Variants in TRPM3 observed in about 807,000 individuals in gnomAD.
TRPM3 encodes transient receptor potential cation channel subfamily M member 3.
Under a neutral mutation model 181.2 loss-of-function variants are expected in TRPM3, and 77 were observed. That is an observed-to-expected ratio of 0.42 (90% CI 0.35 to 0.51). The LOEUF is 0.51. Among genes scored for constraint, TRPM3 ranks in the 20% least tolerant of loss-of-function variants. TRPM3 has a pLI of 0.01. For missense variants in TRPM3, 1,759 were observed against 2,196.7 expected (o/e 0.80, Z 3.98); for synonymous variants, 745 against 796.4 (o/e 0.94, Z 1.09).
intron 5 of TRPM3, among the ~76,000 whole-genome samples, chr9:70,831,400 T>G (rs2131752593): frequency 6.6e-6 from 1 of 151,980 alleles, no homozygotes; most frequent in Non-Finnish European, 1.5e-5. Flanking sequence ...TTTTTTTTTT[T>G]TTTTTGGAAT....
chr9:71,213,579 C>G lies in TRPM3; in HGVS notation c.183+233074G>C, dbSNP rs114465428. On this transcript the variant is annotated intron_variant, in intron 1 of 24. Coordinates refer to the TRPM3 transcript ENST00000357533. ...ATGACAGAAATGGAAAACATCAGTA[C>G]TTTCACTTTATAGCTTTGGAATATC... Among the ~76,000 whole-genome samples, 315 of 152,204 alleles carry G rather than the reference C, an allele frequency of 2.1e-3. 1 individual carries two copies. Among genetic ancestry groups the G allele is most frequent in the African/African-American group, 7.1e-3 (296 of 41,534 alleles).
intron 1 of TRPM3, among the ~76,000 whole-genome samples, chr9:71,399,420 T>C (rs905916634): frequency 2.0e-5 from 3 of 152,134 alleles, no homozygotes; most frequent in Non-Finnish European, 4.4e-5. Flanking sequence ...ACATTATGTA[T>C]TCAATATAGA....
At chr9:70,916,043 G>A (rs896426557) in intron 1 of TRPM3, among the ~76,000 whole-genome samples, 6 of 152,200 alleles carry the variant, frequency 3.9e-5, no homozygotes, top group Non-Finnish European at 5.9e-5. Context: ...TGTCTAGCAG[G>A]AGACTTCTTA....
Position 70,993,786 on chromosome 9 carries a change from AAAAAAAAAAAAAAAAAAAAG to A in TRPM3, c.177+127372_177+127391del, listed in dbSNP as rs1281029074. On this transcript the variant is annotated intron_variant, in intron 1 of 25. Coordinates refer to ENST00000677713, the MANE Select transcript of TRPM3 (RefSeq NM_001366145.2). The stretch of plus-strand genomic sequence containing the variant: ...GGCGACAGAGTGAGATTCCATCTCA[AAAAAAAAAAAAAAAAAAAAG>A]AAAGAAAGAAAGAAAGAAAGCACTC... 1.2e-4 allele frequency among the ~76,000 whole-genome samples: 7 copies of A among 60,088 alleles called. No individual in the cohort carries two copies. The South Asian group carries it at 3.3e-3, about 28-fold the overall frequency. 39.4% of individuals were successfully genotyped at this position (60,088 alleles called of 152,430 possible). A position where few individuals can be genotyped will look rare whatever the true frequency, so the allele number is the denominator to read the frequency against.
chr9:70,574,280 C>A (rs1295157279), intron 22 of TRPM3, among the ~76,000 whole-genome samples: 1 of 152,118 alleles, frequency 6.6e-6, no homozygotes, highest in East Asian at 1.9e-4. Flanking sequence ...CAGCTTTATT[C>A]CCTACCATTC....
intron 1 of TRPM3, among the ~76,000 whole-genome samples, chr9:70,951,821 A>G (rs1440973046): frequency 6.6e-6 from 1 of 152,220 alleles, no homozygotes; most frequent in African/African-American, 2.4e-5. Context: ...TTAACTAACA[A>G]ACATTCAAAC....
At chr9:70,840,488 C>T (rs2094568803) in intron 5 of TRPM3, among the ~76,000 whole-genome samples, 1 of 152,094 alleles carries the variant, frequency 6.6e-6, no homozygotes, top group Non-Finnish European at 1.5e-5. Flanking sequence ...ATTTACTGAA[C>T]ATTTTTCTGC....
At chr9:70,745,505 G>T (rs534997458) in intron 8 of TRPM3, among the ~76,000 whole-genome samples, 3 of 152,226 alleles carry the variant, frequency 2.0e-5, no homozygotes, top group South Asian at 2.1e-4. Flanking sequence ...TTATTAAGAT[G>T]ATATTCAGAT....
chr9:70,742,113 C>T (rs2074243716), intron 8 of TRPM3, among the ~76,000 whole-genome samples: 1 of 151,952 alleles, frequency 6.6e-6, no homozygotes, highest in South Asian at 2.1e-4. Flanking sequence ...ATTAAGACCA[C>T]ATTTTAATGA....
At chr9:70,869,665 C>T (rs2095746041) in intron 1 of TRPM3, among the ~76,000 whole-genome samples, 1 of 152,014 alleles carries the variant, frequency 6.6e-6, no homozygotes, top group Non-Finnish European at 1.5e-5. Context: ...AATAATAAAA[C>T]TTCTCCGATC....
intron 1 of TRPM3, among the ~76,000 whole-genome samples, chr9:71,065,179 T>C (rs2061768174): frequency 6.6e-6 from 1 of 152,124 alleles, no homozygotes; most frequent in Admixed American, 6.6e-5. Context: ...AGTTTTATTG[T>C]AGAAGGTAAT....
At chr9:70,685,106 C>T (rs954662044) in intron 8 of TRPM3, among the ~76,000 whole-genome samples, 2 of 152,000 alleles carry the variant, frequency 1.3e-5, no homozygotes, top group Non-Finnish European at 2.9e-5. Flanking sequence ...TCTAGATAAT[C>T]GAGCATTTCA....
Position 71,279,054 on chromosome 9 carries a change from A to AAAAAAAAC in TRPM3, c.183+167598_183+167599insGTTTTTTT, listed in dbSNP as rs2084474092. On this transcript the variant is annotated intron_variant, in intron 1 of 24. Coordinates refer to the TRPM3 transcript ENST00000357533. Reference sequence around the variant, plus strand: ...TTAGGTTAAAAAAAATAAAAATAAAAATAAAAATAAAAAAACCACCAACGA... The same window carrying AAAAAAAAC: ...TTAGGTTAAAAAAAATAAAAATAAAAAAAAAAACATAAAAATAAAAAAACCACCAACGA... Among the ~76,000 whole-genome samples, 2 of 139,662 alleles carry AAAAAAAAC rather than the reference A, an allele frequency of 1.4e-5. 1 individual carries two copies. 91.6% of individuals were successfully genotyped at this position (139,662 alleles called of 152,430 possible).
rs139557523 is a variant in TRPM3, at chr9:70,699,426, G to A, written c.1273-17848C>T. Among the ~76,000 whole-genome samples, 679 of 152,272 alleles carry A rather than the reference G, an allele frequency of 4.5e-3. 4 individuals carry two copies. The highest frequency in any genetic ancestry group is 0.016 in the African/African-American group (649 of 41,554). ...GAGAAAAGTGAACATTAAAATCAGAGTGTGCAAATAGTCAATTTGCTGGAG... is the reference window on the plus strand; with the variant it reads ...GAGAAAAGTGAACATTAAAATCAGAATGTGCAAATAGTCAATTTGCTGGAG... On this transcript the variant is annotated intron_variant, in intron 8 of 25. Transcript: ENST00000677713.
chr9:70,805,534 GAAAAAAAAAAAAA>G (rs534322844), intron 6 of TRPM3, among the ~76,000 whole-genome samples: 3 of 82,694 alleles, frequency 3.6e-5, no homozygotes, highest in Non-Finnish European at 5.5e-5. Flanking sequence ...ACTCCATCTC[GAAAAAAAAAAAAA>G]AAAAAAAAAA....
At chr9:71,195,974 A>G (rs892825056) in intron 1 of TRPM3, among the ~76,000 whole-genome samples, 7 of 151,818 alleles carry the variant, frequency 4.6e-5, no homozygotes, top group African/African-American at 1.7e-4. Context: ...GAGAGGAGCC[A>G]CCCTTTGGAG....
At chr9:71,403,768 C>T (rs1371046079) in intron 1 of TRPM3, among the ~76,000 whole-genome samples, 2 of 152,032 alleles carry the variant, frequency 1.3e-5, no homozygotes, top group African/African-American at 4.8e-5. Context: ...AAATAGTTCT[C>T]ATTGTCAGTC....
chr9:70,555,025 G>A (rs770819625), intron 22 of TRPM3, among the ~76,000 whole-genome samples: 1 of 152,236 alleles, frequency 6.6e-6, no homozygotes, highest in Admixed American at 6.5e-5. Context: ...AACTCTGAGA[G>A]TGCCTGGCCC....
chr9:71,379,217 T>C (rs1021833248), intron 1 of TRPM3, among the ~76,000 whole-genome samples: 4 of 138,732 alleles, frequency 2.9e-5, no homozygotes, highest in Admixed American at 7.1e-5. Context: ...CTTTATGATG[T>C]GTGACAGAAT....
Sources: gnomAD v4.1 joint callset for allele counts (sites outside exome capture counted in the v4.1 genomes callset) on GRCh38, gnomAD v4.1.1 for gene constraint, MANE v1.5 for transcripts, NCBI Gene and HGNC (gene_info 2026-07-23, HGNC 2026-07-21) for gene names.